The following PKHD1 variants were observed in gnomAD, a reference collection of about 807,000 sequenced individuals.
PKHD1 encodes fibrocystin.
Under a neutral mutation model 412.0 loss-of-function variants are expected in PKHD1, and 291 were observed. The ratio of observed to expected loss-of-function variants is 0.71; its 90% confidence interval spans 0.64 to 0.78. The LOEUF (loss-of-function observed/expected upper bound fraction) is 0.78. PKHD1 is among the 30% of genes least tolerant of loss of function. The pLI is 0.00. For missense variants in PKHD1, 4,825 were observed against 4,950.7 expected (o/e 0.97, Z 0.76); for synonymous variants, 1,777 against 1,821.5 (o/e 0.98, Z 0.62).
rs549022375 is a variant in PKHD1 at position 51,767,807 on chromosome 6, T to C, written c.8642+4895A>G. ...TGCATGTGTCTTTATAGCAGCATGATTTATAATCCTTTGATTATATACCCA... is the reference window on the plus strand; with the variant it reads ...TGCATGTGTCTTTATAGCAGCATGACTTATAATCCTTTGATTATATACCCA... On this transcript the variant is annotated intron_variant, in intron 55 of 66. Coordinates refer to ENST00000371117, the MANE Select transcript of PKHD1 (RefSeq NM_138694.4). 5.0e-4 allele frequency among the ~76,000 whole-genome samples: 76 copies of C among 152,356 alleles called. No homozygotes were observed. The Middle Eastern group carries it at 0.01, about 20-fold the overall frequency.
At chr6:51,676,511 G>A (rs1775879241) in intron 60 of PKHD1, among the ~76,000 whole-genome samples, 1 of 152,000 alleles carries the variant, frequency 6.6e-6, no homozygotes. Context: ...TAAAGTGTAG[G>A]AGATTTGACA....
intron 43 of PKHD1, among the ~76,000 whole-genome samples, chr6:51,901,455 G>A (rs1475254406): frequency 2.0e-5 from 3 of 151,884 alleles, no homozygotes; most frequent in Non-Finnish European, 4.4e-5. Flanking sequence ...TCACTCAAAG[G>A]TGGGAATTGA....
rs1397916079 is a variant in PKHD1 at position 52,053,150 on chromosome 6, T to C, written c.2066A>G (p.Asn689Ser). The change falls in exon 21 of 67, where the codon AAC (asparagine) becomes AGC (serine). Residue 689 changes from asparagine to serine, a missense_variant. By Grantham distance (46) the Asn-to-Ser change is conservative (BLOSUM62 1). Coordinates refer to ENST00000371117, the MANE Select transcript of PKHD1 (RefSeq NM_138694.4). Reference protein sequence around the residue: ...ANSPVLVHQINLLPLAQETGL... With the variant: ...ANSPVLVHQISLLPLAQETGL... ...CGTCTCCTGGGCCAGAGGGAGAAGG[T>C]TGATCTGATGAACCAGCACTGGGGA... 11 of 1,614,108 alleles carry C rather than the reference T, an allele frequency of 6.8e-6. No individual in the cohort carries two copies. Among genetic ancestry groups the C allele is most frequent in the Non-Finnish European group, 9.3e-6 (11 of 1,179,986 alleles).
intron 9 of PKHD1, among the ~76,000 whole-genome samples, 194 bp downstream of exon 9, chr6:52,070,812 C>A (rs565043103): frequency 6.6e-6 from 1 of 152,134 alleles, no homozygotes; most frequent in East Asian, 1.9e-4. Context: ...ACCAACTTCA[C>A]AGGTGTATGT....
intron 36 of PKHD1, among the ~76,000 whole-genome samples, chr6:51,948,872 G>A (rs964119233): frequency 2.0e-5 from 3 of 152,286 alleles, no homozygotes; most frequent in East Asian, 1.9e-4. Flanking sequence ...TAGGCTCAAC[G>A]AAGAGCCTTA....
intron 60 of PKHD1, among the ~76,000 whole-genome samples, chr6:51,719,179 G>A (rs1242013894): frequency 2.0e-5 from 3 of 152,038 alleles, no homozygotes; most frequent in African/African-American, 7.2e-5. Context: ...AATAAAGAGT[G>A]TGCCAAATTA....
chr6:51,901,158 C>G (rs1331496136), intron 43 of PKHD1, among the ~76,000 whole-genome samples: 1 of 152,130 alleles, frequency 6.6e-6, no homozygotes, highest in African/African-American at 2.4e-5. Context: ...CCCAGCCATC[C>G]CATTACTGGG....
chr6:51,650,727 G>A (rs114043175), intron 61 of PKHD1, among the ~76,000 whole-genome samples: 2,135 of 152,112 alleles, frequency 0.014, 26 homozygotes, highest in Middle Eastern at 0.027. Context: ...GCAAACATGT[G>A]GTCCTAAGAA....
At chr6:51,957,563 G>T (rs1431169506) in intron 36 of PKHD1, among the ~76,000 whole-genome samples, 2 of 152,080 alleles carry the variant, frequency 1.3e-5, no homozygotes, top group Non-Finnish European at 2.9e-5. Flanking sequence ...TAGTACCAAT[G>T]AAGTGTTGCT....
rs112490904 is a variant in PKHD1, at chr6:51,784,522, A to G, written c.8440+6714T>C. 6.8e-3 allele frequency among the ~76,000 whole-genome samples: 1,039 copies of G among 152,330 alleles called. 16 individuals are homozygous for G. Among genetic ancestry groups the G allele is most frequent in the African/African-American group, 0.024 (996 of 41,572 alleles). On this transcript the variant is annotated intron_variant, in intron 53 of 66. Transcript: ENST00000371117. ...TCCAGAAATTGTACAATGAGTTACTAAACTAAAATCACAATTCATGTCTCT... is the reference window on the plus strand; with the variant it reads ...TCCAGAAATTGTACAATGAGTTACTGAACTAAAATCACAATTCATGTCTCT...
At position 52,050,177 on chromosome 6, in the gene PKHD1, C is replaced by T. The variant is rs773611227; in HGVS notation, c.2259G>A (p.Glu753=). ...VTSWLAGCGT[E]LPLITARSVP... is the part of the protein sequence containing the mutation. ...CTTACCGTGCAGTGATGAGCGGGAGCTCCGTGCCACACCCCGCCAGCCAGG... is the reference window on the plus strand; with the variant it reads ...CTTACCGTGCAGTGATGAGCGGGAGTTCCGTGCCACACCCCGCCAGCCAGG... The change falls in exon 22 of 67, where the codon GAG becomes GAA. Residue 753 remains glutamate, a synonymous_variant. Coordinates refer to ENST00000371117, the MANE Select transcript of PKHD1 (RefSeq NM_138694.4). The T allele has an allele frequency of 6.2e-7, 1 of 1,614,182 alleles. No individual in the cohort carries two copies. Among genetic ancestry groups the T allele is most frequent in the South Asian group, 1.1e-5 (1 of 91,082 alleles).
At chr6:51,704,610 C>G (rs1582179370) in intron 60 of PKHD1, among the ~76,000 whole-genome samples, 1 of 151,998 alleles carries the variant, frequency 6.6e-6, no homozygotes, top group Non-Finnish European at 1.5e-5. Flanking sequence ...CTTTGCAAGT[C>G]TTTGTGACTC....
At chr6:51,985,684 G>A (rs750221733) in intron 35 of PKHD1, among the ~76,000 whole-genome samples, 1 of 152,092 alleles carries the variant, frequency 6.6e-6, no homozygotes, top group Non-Finnish European at 1.5e-5. Context: ...AGCCGAGATC[G>A]TGGCACTGCA....
chr6:51,661,126 A>G (rs1179071282), intron 60 of PKHD1, among the ~76,000 whole-genome samples: 1 of 152,156 alleles, frequency 6.6e-6, no homozygotes, highest in Non-Finnish European at 1.5e-5. Flanking sequence ...GGAATTACAA[A>G]TATCTTAGGG....
At chr6:51,791,848 G>A (rs1330544064) in intron 52 of PKHD1, among the ~76,000 whole-genome samples, 1 of 152,162 alleles carries the variant, frequency 6.6e-6, no homozygotes, top group African/African-American at 2.4e-5. Context: ...CTCATCTGTG[G>A]AATGGGAATA....
intron 59 of PKHD1, among the ~76,000 whole-genome samples, chr6:51,746,092 T>C (rs750301128): frequency 1.3e-5 from 2 of 152,198 alleles, no homozygotes; most frequent in Non-Finnish European, 2.9e-5. Flanking sequence ...CTACTCTCTT[T>C]CATGGCATAA....
At chr6:51,833,293 C>A (rs939101007) in intron 51 of PKHD1, among the ~76,000 whole-genome samples, 1 of 152,124 alleles carries the variant, frequency 6.6e-6, no homozygotes, top group Admixed American at 6.6e-5. Flanking sequence ...AGGGCTGACA[C>A]AGTCTTTAGT....
At chr6:52,065,915 C>G in intron 12 of PKHD1, 61 bp downstream of exon 12, 1 of 848,194 alleles carries the variant, frequency 1.2e-6, no homozygotes, top group Non-Finnish European at 2.1e-6. Flanking sequence ...GCCATACAGA[C>G]ATATAATCTC....
rs569260488 is a variant in PKHD1 at position 51,719,734 on chromosome 6, A to G, written c.10156+24651T>C. On this transcript the variant is annotated intron_variant, in intron 60 of 66. Transcript: ENST00000371117. ...GACAAATTATATTATATATTGTACAATAAATGGCACTGCTTTCTAATAGCA... is the reference window on the plus strand; with the variant it reads ...GACAAATTATATTATATATTGTACAGTAAATGGCACTGCTTTCTAATAGCA... 2.0e-5 allele frequency among the ~76,000 whole-genome samples: 3 copies of G among 152,314 alleles called. No homozygotes were observed. In the South Asian group the frequency reaches 6.2e-4, roughly 32 times the overall value.
Sources: allele counts gnomAD v4.1 joint callset (sites outside exome capture counted in the v4.1 genomes callset), GRCh38; gene constraint gnomAD v4.1.1; transcripts MANE v1.5; gene names NCBI Gene and HGNC (gene_info 2026-07-23, HGNC 2026-07-21).